Variants in EPS15L1 observed in about 807,000 individuals in gnomAD.
EPS15L1 encodes the protein epidermal growth factor receptor pathway substrate 15 like 1.
EPS15L1 carries 43 observed loss-of-function variants against 117.1 expected under a neutral mutation model. The observed-to-expected ratio is 0.37, with a 90% CI of 0.29 to 0.47. EPS15L1 has a LOEUF of 0.47. Ranked by LOEUF, EPS15L1 falls within the 20% of genes least tolerant of loss-of-function variation. EPS15L1 has a pLI of 0.99. For missense variants in EPS15L1, 981 were observed against 1,164.0 expected, an observed-to-expected ratio of 0.84 and a Z score of 2.29; for synonymous variants, 459 against 470.5, an observed-to-expected ratio of 0.98 and a Z score of 0.32.
intron 9 of EPS15L1, among the ~76,000 whole-genome samples, chr19:16,422,500 A>G (rs1334681685): frequency 6.6e-6 from 1 of 152,058 alleles, no homozygotes; most frequent in Non-Finnish European, 1.5e-5. Context: ...AATTATCTAG[A>G]TGATGAGGGA....
In EPS15L1 at chr19:16,383,520, ATCT is replaced by A. The variant is rs1266016028; in HGVS notation, c.2247+1606_2247+1608del. On this transcript the variant is annotated intron_variant, in intron 21 of 23. Coordinates refer to ENST00000455140, the MANE Select transcript of EPS15L1 (RefSeq NM_001258374.3). This position sits in a 1 kb window ranked among gnomAD's most constrained non-coding sequence, Gnocchi z 5.2. ...CAGGAGCCTGTGCACTGGGCCCTAA[ATCT>A]TCTGCCAGTCCCAAACCGTGTCACA... 6.6e-6 allele frequency: 1 copy of A among 152,162 alleles called. No homozygotes were observed. Among genetic ancestry groups the A allele is most frequent in the Non-Finnish European group, 1.5e-5 (1 of 68,030 alleles). The allele number at this position is 152,162 out of a possible 1,614,324, so 9.4% of individuals were successfully genotyped here. A position where few individuals can be genotyped will look rare whatever the true frequency, so the allele number is the denominator to read the frequency against.
chr19:16,400,691 T>G (rs1045622889), intron 16 of EPS15L1: 98 of 985,314 alleles, frequency 9.9e-5, no homozygotes, highest in Non-Finnish European at 1.2e-4. Flanking sequence ...CGGATGCCAG[T>G]TGCAAGTTTC....
chr19:16,469,220 C>G (rs887493661), intron 1 of EPS15L1, among the ~76,000 whole-genome samples: 3 of 151,800 alleles, frequency 2.0e-5, no homozygotes, highest in Non-Finnish European at 4.4e-5. Flanking sequence ...CACAGAAGCT[C>G]CAGGGGAGGG....
intron 18 of EPS15L1, 72 bp from the exon 19 acceptor site, chr19:16,392,512 CA>C (rs1301749818): frequency 7.3e-7 from 1 of 1,370,288 alleles, no homozygotes; most frequent in African/African-American, 1.4e-5. Context: ...GAACACATCA[CA>C]GAATGATGCC....
At chr19:16,402,990 G>C (rs985873904) in intron 15 of EPS15L1, among the ~76,000 whole-genome samples, 2 of 152,224 alleles carry the variant, frequency 1.3e-5, no homozygotes, top group African/African-American at 4.8e-5. Flanking sequence ...ACAAGAAAGG[G>C]TGGTAAATCT....
At chr19:16,394,168 G>C (rs528638971) in intron 17 of EPS15L1, among the ~76,000 whole-genome samples, 167 bp from the exon 18 acceptor site, 75 of 152,128 alleles carry the variant, frequency 4.9e-4, no homozygotes, top group Non-Finnish European at 9.3e-4. Flanking sequence ...TCAAAACCTT[G>C]GCAAATCAAA....
chr19:16,358,831 C>T (rs1017273738), intron 23 of EPS15L1, among the ~76,000 whole-genome samples: 1 of 152,230 alleles, frequency 6.6e-6, no homozygotes. Context: ...ATTCGAAGCA[C>T]GGCCTAGCTG....
At chr19:16,396,406 C>CG (rs1391420614) in intron 16 of EPS15L1, among the ~76,000 whole-genome samples, 3 of 152,102 alleles carry the variant, frequency 2.0e-5, no homozygotes, top group Admixed American at 6.5e-5. Context: ...GGACTATAGG[C>CG]GCGCACCACC....
intron 1 of EPS15L1, among the ~76,000 whole-genome samples, chr19:16,467,281 C>T (rs138475789): frequency 1.7e-4 from 26 of 151,754 alleles, no homozygotes; most frequent in Admixed American, 2.6e-4. Flanking sequence ...CCCGAGTGGC[C>T]GGGATTACAG....
chr19:16,365,600 C>T lies in EPS15L1; in HGVS notation c.2381-3616G>A, dbSNP rs1474233460. On this transcript the variant is annotated intron_variant, in intron 22 of 23. Coordinates refer to ENST00000455140, the MANE Select transcript of EPS15L1 (RefSeq NM_001258374.3). This position sits in a 1 kb window ranked among gnomAD's most constrained non-coding sequence, Gnocchi z 4.9. ...CCACCGGCAGGGGCACCCTGGGGGA[C>T]AGTGTGACAGTGTCCTGCACCCCAG... Among the ~76,000 whole-genome samples the T allele has an allele frequency of 1.3e-5, 2 of 152,192 alleles. No individual in the cohort carries two copies. Among genetic ancestry groups the T allele is most frequent in the Non-Finnish European group, 2.9e-5 (2 of 68,024 alleles).
intron 22 of EPS15L1, among the ~76,000 whole-genome samples, chr19:16,368,479 AAC>A (rs1166059937): frequency 2.0e-5 from 3 of 152,176 alleles, no homozygotes; most frequent in African/African-American, 7.2e-5. Context: ...CATCCTGCAG[AAC>A]ACAGACACCC....
chr19:16,461,424 C>G lies in EPS15L1; in HGVS notation c.33+10489G>C, dbSNP rs544298702. 3.1e-4 allele frequency among the ~76,000 whole-genome samples: 47 copies of G among 151,958 alleles called. No individual in the cohort carries two copies. In the East Asian group the frequency reaches 3.9e-3, roughly 12 times the overall value. ...TCGCTTTGAGCTCAGGAGTTCGAAA[C>G]TGGCCTAGGCAACATGGAGAAACCC... On this transcript the variant is annotated intron_variant, in intron 1 of 23. Coordinates refer to ENST00000455140, the MANE Select transcript of EPS15L1 (RefSeq NM_001258374.3).
At chr19:16,357,719 A>G (rs922689145) in intron 23 of EPS15L1, 2 of 152,316 alleles carry the variant, frequency 1.3e-5, no homozygotes, top group African/African-American at 2.4e-5. Context: ...TGTCAGTATC[A>G]AGAAAAGATG....
chr19:16,429,539 CT>C (rs2092909234), intron 7 of EPS15L1, among the ~76,000 whole-genome samples: 1 of 152,214 alleles, frequency 6.6e-6, no homozygotes, highest in Non-Finnish European at 1.5e-5. Flanking sequence ...CTCTCCACCT[CT>C]GCTGCTGCGC....
chr19:16,421,868 C>G (rs1391273816), intron 9 of EPS15L1, among the ~76,000 whole-genome samples: 1 of 152,184 alleles, frequency 6.6e-6, no homozygotes, highest in Non-Finnish European at 1.5e-5. Context: ...CGGCCACATG[C>G]CAGCCTCCCT....
chr19:16,387,229 C>T (rs964113010), intron 19 of EPS15L1, among the ~76,000 whole-genome samples: 2 of 152,182 alleles, frequency 1.3e-5, no homozygotes, highest in Admixed American at 6.5e-5. Flanking sequence ...ACTTCATCAC[C>T]GGGGTCAGTG....
chr19:16,455,117 G>A (rs1233911792), intron 1 of EPS15L1, among the ~76,000 whole-genome samples: 11 of 150,822 alleles, frequency 7.3e-5, no homozygotes, highest in Non-Finnish European at 1.3e-4. Context: ...CAACAAGAGC[G>A]AAACTCCATC....
chr19:16,465,117 T>C (rs2093292327), intron 1 of EPS15L1, among the ~76,000 whole-genome samples: 1 of 151,694 alleles, frequency 6.6e-6, no homozygotes, highest in Admixed American at 6.6e-5. Flanking sequence ...CCTCATAATG[T>C]TTTAGGAAAG....
chr19:16,378,636 C>T (rs78663649), intron 21 of EPS15L1, among the ~76,000 whole-genome samples: 12,073 of 152,128 alleles, frequency 0.079, 572 homozygotes, highest in Non-Finnish European at 0.11. Context: ...TGCCTCCAGG[C>T]CTGTGATGAG....
Sources: allele counts gnomAD v4.1 joint callset (sites outside exome capture counted in the v4.1 genomes callset), GRCh38; gene constraint gnomAD v4.1.1; non-coding constraint Gnocchi (gnomAD v3.1); transcripts MANE v1.5; gene names NCBI Gene and HGNC (gene_info 2026-07-23, HGNC 2026-07-21).